SPSB1: variants seen among roughly 807,000 people sequenced by gnomAD.
SPSB1 encodes splA/ryanodine receptor domain and SOCS box containing 1.
Under a neutral mutation model 21.2 loss-of-function variants are expected in SPSB1, and 8 were observed. That is an observed-to-expected ratio of 0.38 (90% confidence interval 0.22 to 0.68). SPSB1 has a LOEUF of 0.68. Ranked by LOEUF, SPSB1 falls within the 30% of genes least tolerant of loss-of-function variation. The pLI, the probability that SPSB1 is intolerant of heterozygous loss-of-function variation, is 0.53. For missense variants in SPSB1, 242 were observed against 377.8 expected (o/e 0.64, Z 2.98); for synonymous variants, 169 against 161.7 (o/e 1.05, Z -0.34).
rs377429641 is a variant in SPSB1, at chr1:9,359,356, C to T, written c.694+2771C>T. Among the ~76,000 whole-genome samples the T allele has an allele frequency of 2.4e-4, 36 of 152,316 alleles. 1 individual carries two copies. The highest frequency in any genetic ancestry group is 7.9e-4 in the African/African-American group (33 of 41,564). On this transcript the variant is annotated intron_variant, in intron 2 of 2. Coordinates refer to ENST00000328089, the MANE Select transcript of SPSB1 (RefSeq NM_025106.4). ...GGTGTTAGCGCTGCCAGCCTCAACC[C>T]GCTTAACCCGACACCTCTGGACGCT...
At chr1:9,328,645 C>G (rs1004591888) in intron 1 of SPSB1, among the ~76,000 whole-genome samples, 1 of 152,244 alleles carries the variant, frequency 6.6e-6, no homozygotes, top group Non-Finnish European at 1.5e-5. Context: ...CACTGCCTCC[C>G]TCTGGCCTGG....
chr1:9,304,599 G>A (rs1382570842), intron 1 of SPSB1, among the ~76,000 whole-genome samples: 1 of 152,144 alleles, frequency 6.6e-6, no homozygotes, highest in Non-Finnish European at 1.5e-5. Context: ...GTTGAATGTG[G>A]GGTGTAGAGA....
At chr1:9,358,963 A>G (rs1427158658) in intron 2 of SPSB1, among the ~76,000 whole-genome samples, 1 of 152,132 alleles carries the variant, frequency 6.6e-6, no homozygotes, top group Non-Finnish European at 1.5e-5. Flanking sequence ...TCTGCATGAG[A>G]TGGGAGGTTG....
intron 2 of SPSB1, among the ~76,000 whole-genome samples, chr1:9,361,709 T>C (rs1640483400): frequency 6.6e-6 from 1 of 152,234 alleles, no homozygotes; most frequent in East Asian, 1.9e-4. Flanking sequence ...CACAAGGCCT[T>C]GTGCTGAGGA....
chr1:9,300,421 G>A (rs1000561759), intron 1 of SPSB1, among the ~76,000 whole-genome samples: 3 of 152,252 alleles, frequency 2.0e-5, no homozygotes, highest in African/African-American at 7.2e-5. Context: ...AGCAGATCCA[G>A]TGGTGGTTGA....
intron 1 of SPSB1, among the ~76,000 whole-genome samples, chr1:9,319,643 TCCGG>T (rs1639677860): frequency 6.6e-6 from 1 of 152,138 alleles, no homozygotes; most frequent in African/African-American, 2.4e-5. Flanking sequence ...GGTATTCCGT[TCCGG>T]CTGGTGCAGA....
chr1:9,350,802 G>C (rs536641990), intron 1 of SPSB1, among the ~76,000 whole-genome samples: 2 of 152,354 alleles, frequency 1.3e-5, no homozygotes, highest in South Asian at 4.1e-4. Flanking sequence ...TGCTTCTGTG[G>C]CACTGCTGGG....
chr1:9,354,325 C>T (rs1421032534), intron 1 of SPSB1, among the ~76,000 whole-genome samples: 1 of 152,200 alleles, frequency 6.6e-6, no homozygotes, highest in Admixed American at 6.5e-5. Flanking sequence ...CTCCAACAGC[C>T]TCCCGCCCAG....
chr1:9,297,882 CT>C (rs1639251642), intron 1 of SPSB1, among the ~76,000 whole-genome samples: 1 of 152,226 alleles, frequency 6.6e-6, no homozygotes, highest in Non-Finnish European at 1.5e-5. Context: ...GAAGACAGAT[CT>C]TTCACGCATA....
At chr1:9,306,135 C>T (rs566734454) in intron 1 of SPSB1, among the ~76,000 whole-genome samples, 1 of 152,270 alleles carries the variant, frequency 6.6e-6, no homozygotes, top group East Asian at 1.9e-4. Context: ...TGCTAGAGGG[C>T]GAGCCTCACC....
At chr1:9,296,823 A>T (rs1639233983) in intron 1 of SPSB1, among the ~76,000 whole-genome samples, 1 of 152,158 alleles carries the variant, frequency 6.6e-6, no homozygotes, top group Non-Finnish European at 1.5e-5. Context: ...CAAAGGGAGG[A>T]TGGCAAAACC....
At chr1:9,359,761 C>T (rs1389698564) in intron 2 of SPSB1, among the ~76,000 whole-genome samples, 3 of 139,672 alleles carry the variant, frequency 2.1e-5, no homozygotes, top group South Asian at 2.2e-4. Flanking sequence ...ATGGCAGAGG[C>T]AAGAGTGGCC....
rs1553128958 is a variant in SPSB1 at position 9,361,156 on chromosome 1, C to CCTTTTTTTTTTTTTTTTTTTTTT, written c.694+4571_694+4572insCTTTTTTTTTTTTTTTTTTTTTT. Among the ~76,000 whole-genome samples, 48 of 102,576 alleles carry CCTTTTTTTTTTTTTTTTTTTTTT rather than the reference C, an allele frequency of 4.7e-4. 13 individuals are homozygous for CCTTTTTTTTTTTTTTTTTTTTTT. Among genetic ancestry groups the CCTTTTTTTTTTTTTTTTTTTTTT allele is most frequent in the South Asian group, 2.3e-3 (7 of 2,980 alleles). The allele number at this position is 102,576 out of a possible 152,430, so 67.3% of individuals were successfully genotyped here. A position where few individuals can be genotyped will look rare whatever the true frequency, so the allele number is the denominator to read the frequency against. ...CAGGCATGGCTGGATCTGTCATTTT[C>CCTTTTTTTTTTTTTTTTTTTTTT]TTTTTTTTTTTTTTTTTTTTTTTTT... On this transcript the variant is annotated intron_variant, in intron 2 of 2. Coordinates refer to ENST00000328089, the MANE Select transcript of SPSB1 (RefSeq NM_025106.4).
intron 1 of SPSB1, among the ~76,000 whole-genome samples, chr1:9,300,276 C>T (rs763773115): frequency 6.6e-6 from 1 of 152,214 alleles, no homozygotes; most frequent in Non-Finnish European, 1.5e-5. Flanking sequence ...GGAGGCAACA[C>T]ATTCCTCATT....
chr1:9,360,797 A>T (rs1190572101), intron 2 of SPSB1, among the ~76,000 whole-genome samples: 1 of 152,216 alleles, frequency 6.6e-6, no homozygotes, highest in South Asian at 2.1e-4. Context: ...GTTTCCAGAT[A>T]AGGCTCCACT....
At chr1:9,358,642 G>T (rs1640416411) in intron 2 of SPSB1, among the ~76,000 whole-genome samples, 1 of 152,222 alleles carries the variant, frequency 6.6e-6, no homozygotes, top group Non-Finnish European at 1.5e-5. Flanking sequence ...AGCCAGGGAG[G>T]TTAATGTCCA....
At position 9,367,711 on chromosome 1, in the gene SPSB1, C is replaced by T; in HGVS notation, c.*136C>T. On this transcript the variant is annotated 3_prime_UTR_variant, in exon 3 of 3. Transcript: ENST00000328089. This position sits in a 1 kb window ranked among gnomAD's most constrained non-coding sequence, Gnocchi z 5.9. ...CAGAGGTCCCTGGTCTTCCCTCATC[C>T]TCCGTGGCTGCCTCCATGGGACAAG... 7.4e-7 allele frequency: 1 copy of T among 1,344,518 alleles called. No homozygotes were observed. Among genetic ancestry groups the T allele is most frequent in the Non-Finnish European group, 9.9e-7 (1 of 1,013,626 alleles). 83.3% of individuals were successfully genotyped at this position (1,344,518 alleles called of 1,614,324 possible). A position where few individuals can be genotyped will look rare whatever the true frequency, so the allele number is the denominator to read the frequency against.
chr1:9,312,479 A>G (rs1349326453), intron 1 of SPSB1, among the ~76,000 whole-genome samples: 1 of 152,100 alleles, frequency 6.6e-6, no homozygotes, highest in Non-Finnish European at 1.5e-5. Context: ...CACATTGATG[A>G]TTATTAGTGC....
chr1:9,343,470 C>T lies in SPSB1; in HGVS notation c.-149-12273C>T, dbSNP rs1349014495. Reference sequence around the variant, plus strand: ...CTTTTTATGGCTGAATAATATTCCACTGAATGTGTATACCACAATTTGTTT... The same window carrying T: ...CTTTTTATGGCTGAATAATATTCCATTGAATGTGTATACCACAATTTGTTT... On this transcript the variant is annotated intron_variant, in intron 1 of 2. Transcript: ENST00000328089. Among the ~76,000 whole-genome samples, 4 of 152,206 alleles carry T rather than the reference C, an allele frequency of 2.6e-5. 1 individual carries two copies. Among genetic ancestry groups the T allele is most frequent in the African/African-American group, 9.6e-5 (4 of 41,452 alleles).
Sources: allele counts gnomAD v4.1 joint callset (sites outside exome capture counted in the v4.1 genomes callset), GRCh38; gene constraint gnomAD v4.1.1; non-coding constraint Gnocchi (gnomAD v3.1); transcripts MANE v1.5; gene names NCBI Gene and HGNC (gene_info 2026-07-23, HGNC 2026-07-21).